SLC24A2: variants seen among roughly 807,000 people sequenced by gnomAD.
SLC24A2 encodes the protein solute carrier family 24 member 2.
Under a neutral mutation model 62.0 loss-of-function variants are expected in SLC24A2, and 36 were observed. That is an observed-to-expected ratio of 0.58 (90% confidence interval 0.44 to 0.77). The LOEUF (loss-of-function observed/expected upper bound fraction) is 0.77, where lower values mean the gene tolerates loss of function less well. Ranked by LOEUF, SLC24A2 falls within the 30% of genes least tolerant of loss-of-function variation. The probability of loss-of-function intolerance (pLI) is 0.00; values close to 1 mark genes in which losing one functional copy is unlikely to be tolerated. For synonymous variants in SLC24A2, 358 were observed against 294.0 expected (o/e 1.22, Z -2.23); for missense variants, 846 against 817.9 (o/e 1.03, Z -0.42).
At chr9:19,519,739 C>T (rs1457765302) in intron 10 of SLC24A2, among the ~76,000 whole-genome samples, 1 of 151,958 alleles carries the variant, frequency 6.6e-6, no homozygotes, top group African/African-American at 2.4e-5. Flanking sequence ...CAAGTCAGGC[C>T]CAGGGGAATC....
chr9:20,091,312 AC>A, the SLC24A2 span, among the ~76,000 whole-genome samples: 5 of 152,072 alleles, frequency 3.3e-5, no homozygotes, highest in Admixed American at 2.6e-4. Flanking sequence ...AATTTCCCCA[AC>A]CCCACTGGAG....
chr9:19,784,121 A>G (rs1180339108), intron 2 of SLC24A2, among the ~76,000 whole-genome samples: 1 of 152,232 alleles, frequency 6.6e-6, no homozygotes, highest in East Asian at 1.9e-4. Flanking sequence ...CATAAAAATG[A>G]CATAAGTCAC....
chr9:19,996,298 C>T, the SLC24A2 span, among the ~76,000 whole-genome samples: 1 of 152,130 alleles, frequency 6.6e-6, no homozygotes, highest in Non-Finnish European at 1.5e-5. Flanking sequence ...AGTCCTGGGG[C>T]ATGGTCAGAA....
At chr9:19,600,543 A>G (rs1054391856) in intron 4 of SLC24A2, among the ~76,000 whole-genome samples, 7 of 152,242 alleles carry the variant, frequency 4.6e-5, no homozygotes, top group East Asian at 3.8e-4. Context: ...TGTAGGAATT[A>G]TCATCCTCGA....
At chr9:19,873,827 G>T in the SLC24A2 span, among the ~76,000 whole-genome samples, 1 of 152,090 alleles carries the variant, frequency 6.6e-6, no homozygotes, top group Admixed American at 6.6e-5. Context: ...TGAACTCCAT[G>T]TACTTGCCGA....
chr9:20,144,112 G>A, the SLC24A2 span, among the ~76,000 whole-genome samples: 1 of 152,138 alleles, frequency 6.6e-6, no homozygotes, highest in South Asian at 2.1e-4. Context: ...GGAAGATAAG[G>A]ACAGAAATAA....
At chr9:20,059,163 A>T in the SLC24A2 span, among the ~76,000 whole-genome samples, 4 of 152,228 alleles carry the variant, frequency 2.6e-5, no homozygotes, top group African/African-American at 9.6e-5. Context: ...AAGAATTCCA[A>T]GATGAGAAGA....
At chr9:19,823,711 C>T in the SLC24A2 span, among the ~76,000 whole-genome samples, 3 of 152,026 alleles carry the variant, frequency 2.0e-5, no homozygotes, top group Non-Finnish European at 4.4e-5. Context: ...CCCATATAGC[C>T]AACACAGTCC....
the SLC24A2 span, among the ~76,000 whole-genome samples, chr9:19,847,783 TC>T: frequency 6.6e-6 from 1 of 152,114 alleles, no homozygotes; most frequent in Non-Finnish European, 1.5e-5. Context: ...TTGTTTACCA[TC>T]CTAATCCTTG....
chr9:19,556,440 C>G (rs1035533341), intron 7 of SLC24A2, among the ~76,000 whole-genome samples: 2 of 152,194 alleles, frequency 1.3e-5, no homozygotes, highest in Non-Finnish European at 2.9e-5. Flanking sequence ...CCCACTTTAA[C>G]ACAATCTCTC....
At chr9:19,586,331 G>A (rs1443639437) in intron 5 of SLC24A2, among the ~76,000 whole-genome samples, 4 of 152,158 alleles carry the variant, frequency 2.6e-5, no homozygotes, top group Middle Eastern at 3.2e-3. Context: ...CCTCACAAGT[G>A]TTTGTGAGTA....
the SLC24A2 span, among the ~76,000 whole-genome samples, chr9:20,230,327 T>C: frequency 6.6e-6 from 1 of 152,222 alleles, no homozygotes; most frequent in Non-Finnish European, 1.5e-5. Context: ...CCACAATGGT[T>C]GAACTAGTTT....
At chr9:19,545,289 G>C (rs957576251) in intron 8 of SLC24A2, among the ~76,000 whole-genome samples, 4 of 151,904 alleles carry the variant, frequency 2.6e-5, no homozygotes, top group African/African-American at 9.7e-5. Context: ...GGTCATTTAT[G>C]TTCTTCTCGA....
the SLC24A2 span, among the ~76,000 whole-genome samples, chr9:19,960,507 C>T: frequency 5.9e-5 from 9 of 152,168 alleles, no homozygotes; most frequent in Non-Finnish European, 7.3e-5. Context: ...GAACCTTGGG[C>T]TGCTATTGTG....
the SLC24A2 span, among the ~76,000 whole-genome samples, chr9:19,988,921 C>T: frequency 6.6e-6 from 1 of 152,116 alleles, no homozygotes; most frequent in Admixed American, 6.6e-5. Flanking sequence ...GCTTGTGCCA[C>T]GCAAAGATGC....
chr9:20,255,453 T>C, the SLC24A2 span, among the ~76,000 whole-genome samples: 1 of 152,204 alleles, frequency 6.6e-6, no homozygotes, highest in Admixed American at 6.5e-5. Flanking sequence ...GAATCTGCAG[T>C]TTGGGAAGAA....
the SLC24A2 span, among the ~76,000 whole-genome samples, chr9:20,122,515 T>C: frequency 7.2e-4 from 110 of 152,198 alleles, no homozygotes; most frequent in Non-Finnish European, 1.4e-3. Context: ...GGTGAAACCC[T>C]GTCTCTACTA....
the SLC24A2 span, among the ~76,000 whole-genome samples, chr9:19,918,077 T>C: frequency 6.6e-6 from 1 of 152,106 alleles, no homozygotes; most frequent in Non-Finnish European, 1.5e-5. Flanking sequence ...AGTTGAACTT[T>C]ATTACAATCT....
In SLC24A2 at chr9:19,513,176, G is replaced by GTATATATATA. The variant is rs60849714; in HGVS notation, c.*2967_*2976dup. The GTATATATATA allele has an allele frequency of 9.0e-5, 6 of 66,970 alleles. No individual in the cohort carries two copies. The highest frequency in any genetic ancestry group is 3.4e-4 in the African/African-American group (6 of 17,842). The allele number at this position is 66,970 out of a possible 1,614,324, so 4.1% of individuals were successfully genotyped here. A position where few individuals can be genotyped will look rare whatever the true frequency, so the allele number is the denominator to read the frequency against. On this transcript the variant is annotated 3_prime_UTR_variant, in exon 11 of 11. Transcript: ENST00000341998. ...AAGATATATATATATATATATATAT[G>GTATATATATA]TATATATATATATATGTATATATTT...
Sources: allele counts gnomAD v4.1 joint callset (sites outside exome capture counted in the v4.1 genomes callset), GRCh38; gene constraint gnomAD v4.1.1; transcripts MANE v1.5; gene names NCBI Gene and HGNC (gene_info 2026-07-23, HGNC 2026-07-21).